Variants in ZDHHC7 observed in about 807,000 individuals in gnomAD.
ZDHHC7 encodes the protein zDHHC palmitoyltransferase 7, also known as palmitoyltransferase ZDHHC7.
Under a neutral mutation model 34.1 loss-of-function variants are expected in ZDHHC7, and 12 were observed. That is an observed-to-expected ratio of 0.35 (90% CI 0.23 to 0.57). The LOEUF (loss-of-function observed/expected upper bound fraction) is 0.57. Ranked by LOEUF, ZDHHC7 falls within the 20% of genes least tolerant of loss-of-function variation. The pLI is 0.84. For synonymous variants in ZDHHC7, 185 were observed against 155.4 expected (o/e 1.19, Z -1.42); for missense variants, 388 against 402.7 (o/e 0.96, Z 0.31).
chr16:85,003,218 A>T (rs2072675144), intron 1 of ZDHHC7, among the ~76,000 whole-genome samples: 1 of 152,066 alleles, frequency 6.6e-6, no homozygotes, highest in African/African-American at 2.4e-5. Flanking sequence ...TGAGAAACAG[A>T]CTCAGAGGAA....
chr16:84,980,101 C>T (rs2143559081), intron 4 of ZDHHC7, among the ~76,000 whole-genome samples: 1 of 151,834 alleles, frequency 6.6e-6, no homozygotes, highest in African/African-American at 2.4e-5. Context: ...GCTGGGACTA[C>T]AGGCACCAGT....
upstream of ZDHHC7, among the ~76,000 whole-genome samples, chr16:85,013,194 CTCCTTTG>C (rs2072816548): frequency 6.6e-6 from 1 of 152,154 alleles, no homozygotes; most frequent in African/African-American, 2.4e-5. Flanking sequence ...AAGCTCAAAA[CTCCTTTG>C]TCCTGTCATT....
intron 1 of ZDHHC7, among the ~76,000 whole-genome samples, chr16:85,002,484 A>G (rs149536287): frequency 1.1e-3 from 174 of 152,154 alleles, no homozygotes; most frequent in African/African-American, 4.0e-3. Context: ...ATATCAAACA[A>G]GTCCCAAGAG....
chr16:84,980,678 C>CA (rs2072356228), intron 4 of ZDHHC7, among the ~76,000 whole-genome samples: 1 of 152,030 alleles, frequency 6.6e-6, no homozygotes, highest in Admixed American at 6.5e-5. Flanking sequence ...CCCCCATCCC[C>CA]AAAAAATTTA....
rs1323841646 is a variant in ZDHHC7 at position 84,974,745 on chromosome 16, C to G, written c.*1598G>C. ...CTTTGTCCCTCTGGCTGTGACGCAGCTCTTCCCCCAACGGCGCACACGCTT... is the reference window on the plus strand; with the variant it reads ...CTTTGTCCCTCTGGCTGTGACGCAGGTCTTCCCCCAACGGCGCACACGCTT... On this transcript the variant is annotated 3_prime_UTR_variant, in exon 8 of 8. Transcript: ENST00000313732. 1 of 152,694 alleles carries G rather than the reference C, an allele frequency of 6.5e-6. No homozygotes were observed. The highest frequency in any genetic ancestry group is 1.5e-5 in the Non-Finnish European group (1 of 68,060). 9.5% of individuals were successfully genotyped at this position (152,694 alleles called of 1,614,324 possible).
At chr16:85,021,922 C>A in the ZDHHC7 span, among the ~76,000 whole-genome samples, 4 of 151,386 alleles carry the variant, frequency 2.6e-5, no homozygotes, top group South Asian at 8.4e-4. Context: ...TTTGGGAGGC[C>A]GAGGCGGTTG....
rs182981490 is a variant in ZDHHC7, at chr16:84,974,825, G to A, written c.*1518C>T. On this transcript the variant is annotated 3_prime_UTR_variant, in exon 8 of 8. Coordinates refer to ENST00000313732, the MANE Select transcript of ZDHHC7 (RefSeq NM_017740.3). ...CCTGCAGGTTTGCTCGCTTGGCTAG[G>A]ACGGTGGCTCAGGTAGGTCCCTTTG... The A allele has an allele frequency of 1.6e-4, 25 of 152,838 alleles. No individual in the cohort carries two copies. Among genetic ancestry groups the A allele is most frequent in the African/African-American group, 5.8e-4 (24 of 41,558 alleles). 9.5% of individuals were successfully genotyped at this position (152,838 alleles called of 1,614,324 possible).
intron 3 of ZDHHC7, among the ~76,000 whole-genome samples, chr16:84,989,490 G>C (rs1177881698): frequency 1.3e-5 from 2 of 152,136 alleles, no homozygotes. Flanking sequence ...GAGGTCAGGA[G>C]TTCAAGACCA....
At chr16:85,004,080 G>A (rs549252835) in intron 1 of ZDHHC7, among the ~76,000 whole-genome samples, 1 of 152,110 alleles carries the variant, frequency 6.6e-6, no homozygotes, top group South Asian at 2.1e-4. Flanking sequence ...ATCCCTAAGG[G>A]CGTCTATCCA....
intron 3 of ZDHHC7, among the ~76,000 whole-genome samples, chr16:84,982,319 T>G (rs956861973): frequency 1.1e-4 from 16 of 146,520 alleles, no homozygotes; most frequent in African/African-American, 3.8e-4. Context: ...CACTCCAACC[T>G]GGGCGACAGG....
intron 3 of ZDHHC7, among the ~76,000 whole-genome samples, chr16:84,987,231 G>C (rs914087971): frequency 6.6e-6 from 1 of 152,200 alleles, no homozygotes; most frequent in Non-Finnish European, 1.5e-5. Context: ...TCTGTCACTT[G>C]TCACCAGAGG....
the ZDHHC7 span, among the ~76,000 whole-genome samples, chr16:85,020,463 G>C: frequency 6.6e-6 from 1 of 152,198 alleles, no homozygotes; most frequent in African/African-American, 2.4e-5. Flanking sequence ...TATTTGCTGA[G>C]ATGATACACC....
chr16:84,988,627 A>T, intron 3 of ZDHHC7: 2 of 759,462 alleles, frequency 2.6e-6, no homozygotes, highest in Non-Finnish European at 4.3e-6. Flanking sequence ...GTGGGAGCAG[A>T]AGCTGGACTG....
At chr16:85,010,827 G>C (rs897645507) in intron 1 of ZDHHC7, among the ~76,000 whole-genome samples, 1 of 152,206 alleles carries the variant, frequency 6.6e-6, no homozygotes, top group Non-Finnish European at 1.5e-5. Flanking sequence ...AAGATAACTA[G>C]GAAGATGGGC....
intron 3 of ZDHHC7, among the ~76,000 whole-genome samples, chr16:84,983,861 G>A (rs146346978): frequency 0.011 from 1,617 of 151,442 alleles, 33 homozygotes; most frequent in African/African-American, 0.037. Flanking sequence ...TTAGCTGGGC[G>A]TGGTGGCCTG....
At chr16:85,005,668 T>G (rs2072708759) in intron 1 of ZDHHC7, among the ~76,000 whole-genome samples, 1 of 152,222 alleles carries the variant, frequency 6.6e-6, no homozygotes, top group African/African-American at 2.4e-5. Flanking sequence ...ATATGGAATC[T>G]AAGAATTCAA....
intron 1 of ZDHHC7, among the ~76,000 whole-genome samples, chr16:84,996,470 A>T (rs2072578370): frequency 6.6e-6 from 1 of 152,168 alleles, no homozygotes; most frequent in Non-Finnish European, 1.5e-5. Context: ...AAGACAGTGG[A>T]ACCCAGTGAG....
At chr16:85,001,622 G>A (rs1381265189) in intron 1 of ZDHHC7, among the ~76,000 whole-genome samples, 1 of 152,154 alleles carries the variant, frequency 6.6e-6, no homozygotes, top group Non-Finnish European at 1.5e-5. Flanking sequence ...AATATCTACA[G>A]ATATGTATAC....
At chr16:85,007,097 G>C (rs954020841) in intron 1 of ZDHHC7, among the ~76,000 whole-genome samples, 5 of 151,964 alleles carry the variant, frequency 3.3e-5, no homozygotes, top group Middle Eastern at 6.3e-3. Flanking sequence ...TTTGATTAGA[G>C]GATTAATAGG....
Sources: allele counts gnomAD v4.1 joint callset (sites outside exome capture counted in the v4.1 genomes callset), GRCh38; gene constraint gnomAD v4.1.1; transcripts MANE v1.5; gene names NCBI Gene and HGNC (gene_info 2026-07-23, HGNC 2026-07-21).